The following SLC7A11 variants were observed in gnomAD, a reference collection of about 807,000 sequenced individuals.
The protein encoded by SLC7A11 is solute carrier family 7 member 11, also known as cystine/glutamate transporter.
SLC7A11 carries 35 observed loss-of-function variants against 54.5 expected under a neutral mutation model. The ratio of observed to expected loss-of-function variants is 0.64; its 90% CI spans 0.49 to 0.85. The LOEUF (loss-of-function observed/expected upper bound fraction) is 0.85. Ranked by LOEUF, SLC7A11 falls within the 40% of genes least tolerant of loss-of-function variation. The pLI, the probability that SLC7A11 is intolerant of heterozygous loss-of-function variation, is 0.00. For missense variants in SLC7A11, 583 were observed against 618.1 expected, an observed-to-expected ratio of 0.94 and a Z score of 0.60; for synonymous variants, 230 against 225.2, an observed-to-expected ratio of 1.02 and a Z score of -0.19.
chr4:138,212,456 A>G (rs1242993344), intron 6 of SLC7A11, among the ~76,000 whole-genome samples: 1 of 151,682 alleles, frequency 6.6e-6, no homozygotes, highest in Non-Finnish European at 1.5e-5. Context: ...CCAGTGAAGT[A>G]TGTGTTATTA....
intron 5 of SLC7A11, 101 bp downstream of exon 5, chr4:138,219,162 TATG>T: frequency 1.4e-6 from 1 of 694,782 alleles, no homozygotes; most frequent in Non-Finnish European, 2.6e-6. Context: ...CACACTGGAT[TATG>T]GCTATTCACA....
At chr4:138,200,868 C>T (rs1737262813) in intron 6 of SLC7A11, among the ~76,000 whole-genome samples, 1 of 152,092 alleles carries the variant, frequency 6.6e-6, no homozygotes, top group African/African-American at 2.4e-5. Context: ...GTAGAGAACT[C>T]TTTGTACACA....
At position 138,196,629 on chromosome 4, in the gene SLC7A11, T is replaced by A. The variant is rs533055216; in HGVS notation, c.792-11385A>T. On this transcript the variant is annotated intron_variant, in intron 6 of 11. Transcript: ENST00000280612. ...GGCTTACATTGATGTTGCCTTTTTT[T>A]AATTTAATTTAATTTAATTTTTATT... Among the ~76,000 whole-genome samples the A allele has an allele frequency of 5.7e-4, 87 of 151,996 alleles. 1 individual carries two copies. Among genetic ancestry groups the A allele is most frequent in the East Asian group, 2.3e-3 (12 of 5,172 alleles).
rs1444929775 is a variant in SLC7A11, at chr4:138,167,318, A to G, written c.*4638T>C. 1.3e-5 allele frequency: 2 copies of G among 151,318 alleles called. No individual in the cohort carries two copies. Among genetic ancestry groups the G allele is most frequent in the African/African-American group, 4.9e-5 (2 of 41,146 alleles). The allele number at this position is 151,318 out of a possible 1,614,324, so 9.4% of individuals were successfully genotyped here. A position where few individuals can be genotyped will look rare whatever the true frequency, so the allele number is the denominator to read the frequency against. ...AGGCGCCTGCCACCACGCCCGGCTA[A>G]TTTTTATATTTTTAGTTGAGACAGG... On this transcript the variant is annotated 3_prime_UTR_variant, in exon 12 of 12. Coordinates refer to ENST00000280612, the MANE Select transcript of SLC7A11 (RefSeq NM_014331.4).
At chr4:138,201,259 G>A (rs1737278878) in intron 6 of SLC7A11, among the ~76,000 whole-genome samples, 1 of 152,018 alleles carries the variant, frequency 6.6e-6, no homozygotes, top group Admixed American at 6.6e-5. Flanking sequence ...TGTACAGCTT[G>A]ATATATAAAA....
intron 6 of SLC7A11, among the ~76,000 whole-genome samples, chr4:138,200,932 A>T (rs1737264490): frequency 6.6e-6 from 1 of 152,284 alleles, no homozygotes; most frequent in East Asian, 1.9e-4. Flanking sequence ...TACTATAATA[A>T]ATCCTTTGCT....
intron 6 of SLC7A11, among the ~76,000 whole-genome samples, chr4:138,201,970 C>T (rs1737296114): frequency 6.6e-6 from 1 of 152,040 alleles, no homozygotes; most frequent in Non-Finnish European, 1.5e-5. Context: ...AAATGCAATC[C>T]TAACTAAATT....
Position 138,164,319 on chromosome 4 carries a change from A to AAAAC in SLC7A11, c.*7633_*7636dup, listed in dbSNP as rs1488495764. On this transcript the variant is annotated 3_prime_UTR_variant, in exon 12 of 12. Transcript: ENST00000280612. ...ATGCATCAAGAGTTTCCATAAGATG[A>AAAAC]AAACAAACACACTTACTTCATAGCA... The AAAAC allele has an allele frequency of 1.3e-5, 2 of 152,136 alleles. No homozygotes were observed. The highest frequency in any genetic ancestry group is 6.6e-5 in the Admixed American group (1 of 15,264). 9.4% of individuals were successfully genotyped at this position (152,136 alleles called of 1,614,324 possible).
chr4:138,212,068 T>G (rs1193106699), intron 6 of SLC7A11, among the ~76,000 whole-genome samples: 1 of 151,880 alleles, frequency 6.6e-6, no homozygotes, highest in East Asian at 1.9e-4. Flanking sequence ...TTTGAGGTGA[T>G]GAGTACCCAA....
At position 138,242,150 on chromosome 4, in the gene SLC7A11, T is replaced by C. The variant is rs1300438708; in HGVS notation, c.-81A>G. ...CTTTGGTGTCTCTTGGTGTTACTGA[T>C]CGATGTCTTCCTCTGCTTTCAGACT... On this transcript the variant is annotated 5_prime_UTR_variant, in exon 1 of 12. Transcript: ENST00000280612. The C allele has an allele frequency of 1.4e-6, 2 of 1,459,548 alleles. No homozygotes were observed. The highest frequency in any genetic ancestry group is 1.9e-6 in the Non-Finnish European group (2 of 1,079,186). The allele number at this position is 1,459,548 out of a possible 1,614,324, so 90.4% of individuals were successfully genotyped here.
At chr4:138,207,413 A>T (rs1737435547) in intron 6 of SLC7A11, among the ~76,000 whole-genome samples, 1 of 152,032 alleles carries the variant, frequency 6.6e-6, no homozygotes, top group Non-Finnish European at 1.5e-5. Context: ...TCATGGAAAG[A>T]TGCATTCTTG....
chr4:138,208,759 G>A (rs1214963806), intron 6 of SLC7A11, among the ~76,000 whole-genome samples: 2 of 150,646 alleles, frequency 1.3e-5, no homozygotes, highest in African/African-American at 4.9e-5. Flanking sequence ...AATTTGTGGA[G>A]TCAGCCATAA....
chr4:138,204,821 C>T (rs901467248), intron 6 of SLC7A11, among the ~76,000 whole-genome samples: 5 of 151,920 alleles, frequency 3.3e-5, no homozygotes, highest in African/African-American at 4.8e-5. Flanking sequence ...AAATAAATAG[C>T]GATTCCCATC....
chr4:138,222,436 C>T (rs1475426317), intron 4 of SLC7A11, among the ~76,000 whole-genome samples: 1 of 152,216 alleles, frequency 6.6e-6, no homozygotes. Context: ...AATTTCTTCT[C>T]ACTTTATTTC....
At chr4:138,235,067 T>C (rs572279552) in intron 2 of SLC7A11, among the ~76,000 whole-genome samples, 3 of 152,298 alleles carry the variant, frequency 2.0e-5, no homozygotes, top group East Asian at 1.9e-4. Context: ...AAACAAAATA[T>C]AGACACCTAA....
In SLC7A11 at chr4:138,172,451, CAT is replaced by C. The variant is rs1276179431; in HGVS notation, c.1445-436_1445-435del. On this transcript the variant is annotated intron_variant, in intron 11 of 11. Transcript: ENST00000280612. The stretch of plus-strand genomic sequence containing the variant: ...GTAATTTTCATTCTCTAACTTGTAA[CAT>C]GTTATTGAGAATGTTGTCTTATCTC... Among the ~76,000 whole-genome samples, 12 of 152,254 alleles carry C rather than the reference CAT, an allele frequency of 7.9e-5. No individual in the cohort carries two copies. The East Asian group carries it at 2.3e-3, about 29-fold the overall frequency.
chr4:138,193,791 C>T (rs1350789741), intron 6 of SLC7A11, among the ~76,000 whole-genome samples: 1 of 152,080 alleles, frequency 6.6e-6, no homozygotes, highest in East Asian at 1.9e-4. Flanking sequence ...AAGAGTGAGA[C>T]TTCATCTTAA....
chr4:138,167,511 C>T lies in SLC7A11; in HGVS notation c.*4445G>A, dbSNP rs559332186. The T allele has an allele frequency of 2.6e-5, 4 of 152,220 alleles. No individual in the cohort carries two copies. In the South Asian group the frequency reaches 8.3e-4, roughly 32 times the overall value. 9.4% of individuals were successfully genotyped at this position (152,220 alleles called of 1,614,324 possible). On this transcript the variant is annotated 3_prime_UTR_variant, in exon 12 of 12. Coordinates refer to ENST00000280612, the MANE Select transcript of SLC7A11 (RefSeq NM_014331.4). Reference sequence around the variant, plus strand: ...AACTAAGGACTACCTAGAGATCACACTTTTAGATATTATCTATTTTAACAT... The same window carrying T: ...AACTAAGGACTACCTAGAGATCACATTTTTAGATATTATCTATTTTAACAT...
At chr4:138,184,944 A>G (rs540129999) in intron 7 of SLC7A11, among the ~76,000 whole-genome samples, 177 bp downstream of exon 7, 3 of 152,286 alleles carry the variant, frequency 2.0e-5, no homozygotes, top group South Asian at 4.1e-4. Context: ...GAATTTAGAT[A>G]TATCAGTTAA....
Sources: gnomAD v4.1 joint callset for allele counts (sites outside exome capture counted in the v4.1 genomes callset) on GRCh38, gnomAD v4.1.1 for gene constraint, MANE v1.5 for transcripts, NCBI Gene and HGNC (gene_info 2026-07-23, HGNC 2026-07-21) for gene names.